The following CCDC126 variants were observed in gnomAD, a reference collection of about 807,000 sequenced individuals.
The protein encoded by CCDC126 is coiled-coil domain containing 126.
In CCDC126, 5 loss-of-function variants were observed where a neutral mutation model predicts 11.7. The ratio of observed to expected loss-of-function variants is 0.43; its 90% CI spans 0.22 to 0.90. CCDC126 has a LOEUF of 0.90. Ranked by LOEUF, CCDC126 falls within the 40% of genes least tolerant of loss-of-function variation. The pLI is 0.27. For missense variants in CCDC126, 150 were observed against 163.1 expected, an observed-to-expected ratio of 0.92 and a Z score of 0.44; for synonymous variants, 60 against 61.9, an observed-to-expected ratio of 0.97 and a Z score of 0.14.
chr7:23,598,560 T>C (rs1387587526), intron 2 of CCDC126: 1 of 152,224 alleles, frequency 6.6e-6, no homozygotes, highest in Non-Finnish European at 1.5e-5. Context: ...GGTGTGTCCT[T>C]TGGGAATCCT....
intron 3 of CCDC126, among the ~76,000 whole-genome samples, chr7:23,640,814 G>C (rs374831474): frequency 1.3e-5 from 2 of 152,204 alleles, no homozygotes; most frequent in East Asian, 3.9e-4. Flanking sequence ...GCATGTATCA[G>C]AATGTCATTC....
At chr7:23,621,494 T>C (rs1782896467) in intron 3 of CCDC126, among the ~76,000 whole-genome samples, 2 of 152,058 alleles carry the variant, frequency 1.3e-5, no homozygotes, top group Admixed American at 1.3e-4. Flanking sequence ...GATGATGGGG[T>C]TTTCTAGATA....
chr7:23,629,102 G>A (rs1284397861), intron 3 of CCDC126, among the ~76,000 whole-genome samples: 2 of 152,180 alleles, frequency 1.3e-5, no homozygotes, highest in Admixed American at 1.3e-4. Context: ...CAAGAACCAG[G>A]AAGGTCTCAG....
intron 3 of CCDC126, chr7:23,622,869 T>G (rs1372826419): frequency 2.6e-6 from 1 of 391,422 alleles, no homozygotes; most frequent in Non-Finnish European, 5.0e-6. Context: ...CAACCAATGT[T>G]CTCTTGTTGC....
At position 23,618,901 on chromosome 7, in the gene CCDC126, G is replaced by T. The variant is rs192975768; in HGVS notation, c.238+7348G>T. On this transcript the variant is annotated intron_variant, in intron 3 of 3. Transcript: ENST00000307471. ...TCAATGTATTTTATTCCTTTGAGAT[G>T]ATCTCTAATATCAGTATATTTAGGT... is the stretch of plus-strand genomic sequence containing the variant. 3.6e-3 allele frequency among the ~76,000 whole-genome samples: 544 copies of T among 152,114 alleles called. 6 individuals are homozygous for T. The highest frequency in any genetic ancestry group is 0.012 in the African/African-American group (511 of 41,482).
intron 2 of CCDC126, among the ~76,000 whole-genome samples, chr7:23,598,776 G>T (rs1351080648): frequency 2.0e-5 from 3 of 152,238 alleles, no homozygotes; most frequent in Admixed American, 2.0e-4. Flanking sequence ...ATTTAGTGCA[G>T]TGTAGGACAG....
Position 23,643,264 on chromosome 7 carries a change from A to G in CCDC126, c.*149A>G. 1 of 662,564 alleles carries G rather than the reference A, an allele frequency of 1.5e-6. No homozygotes were observed. Among genetic ancestry groups the G allele is most frequent in the Non-Finnish European group, 2.4e-6 (1 of 412,028 alleles). 41.0% of individuals were successfully genotyped at this position (662,564 alleles called of 1,614,324 possible). On this transcript the variant is annotated 3_prime_UTR_variant, in exon 4 of 4. Coordinates refer to ENST00000307471, the MANE Select transcript of CCDC126 (RefSeq NM_138771.4). ...GAGTATGCTGGATTCATGGAACTCT[A>G]ATTCTGTACATAAAAATTTTAAAGT... is the stretch of plus-strand genomic sequence containing the variant.
intron 3 of CCDC126, chr7:23,622,968 CT>C (rs1228157804): frequency 0.015 from 1,341 of 92,034 alleles, no homozygotes; most frequent in South Asian, 0.053. Flanking sequence ...TATGCTCACT[CT>C]TTTTTTTTTT....
intron 3 of CCDC126, among the ~76,000 whole-genome samples, chr7:23,625,501 C>A (rs995186434): frequency 6.6e-6 from 1 of 151,834 alleles, no homozygotes; most frequent in African/African-American, 2.4e-5. Flanking sequence ...TAGTTGTTTG[C>A]TTTTGGATTT....
intron 2 of CCDC126, among the ~76,000 whole-genome samples, chr7:23,607,822 G>T (rs991254843): frequency 1.3e-5 from 2 of 152,106 alleles, no homozygotes; most frequent in Admixed American, 1.3e-4. Context: ...CTTCAAGGTC[G>T]TCATGGTGTC....
chr7:23,600,697 T>C (rs1562826751), intron 2 of CCDC126, among the ~76,000 whole-genome samples: 2 of 152,184 alleles, frequency 1.3e-5, no homozygotes, highest in African/African-American at 2.4e-5. Flanking sequence ...GCTATAGTTA[T>C]AATGGCACAA....
At position 23,643,138 on chromosome 7, in the gene CCDC126, G is replaced by C. The variant is rs776847984; in HGVS notation, c.*23G>C. On this transcript the variant is annotated 3_prime_UTR_variant, in exon 4 of 4. Transcript: ENST00000307471. Reference sequence around the variant, plus strand: ...TAGCAGTTGAAAATCACCTTGTGCTGCTCCATCCACTGTGGATTATATCCT... The same window carrying C: ...TAGCAGTTGAAAATCACCTTGTGCTCCTCCATCCACTGTGGATTATATCCT... The C allele has an allele frequency of 6.2e-7, 1 of 1,602,806 alleles. No individual in the cohort carries two copies. Among genetic ancestry groups the C allele is most frequent in the Non-Finnish European group, 8.5e-7 (1 of 1,172,604 alleles).
intron 2 of CCDC126, among the ~76,000 whole-genome samples, chr7:23,600,643 T>G (rs762485933): frequency 3.3e-5 from 5 of 152,202 alleles, no homozygotes; most frequent in Non-Finnish European, 7.3e-5. Flanking sequence ...AGTGAAAGCT[T>G]CTCTGCCTGC....
At chr7:23,606,460 A>G (rs1782625295) in intron 2 of CCDC126, among the ~76,000 whole-genome samples, 2 of 152,132 alleles carry the variant, frequency 1.3e-5, no homozygotes, top group African/African-American at 4.8e-5. Flanking sequence ...TTGGAAGAAT[A>G]TTTGACTGCT....
chr7:23,633,190 C>T (rs1783145568), intron 3 of CCDC126, among the ~76,000 whole-genome samples: 1 of 152,132 alleles, frequency 6.6e-6, no homozygotes. Flanking sequence ...AGGGGTTTCT[C>T]CATGTTGATC....
In CCDC126 at chr7:23,632,976, T is replaced by C. The variant is rs571957264; in HGVS notation, c.239-9955T>C. ...ATGAGAACTTACCTTAGTTCACTCATGTGATCTAAACTGCCTTGCAGTCCT... is the reference window on the plus strand; with the variant it reads ...ATGAGAACTTACCTTAGTTCACTCACGTGATCTAAACTGCCTTGCAGTCCT... On this transcript the variant is annotated intron_variant, in intron 3 of 3. Transcript: ENST00000307471. Among the ~76,000 whole-genome samples the C allele has an allele frequency of 1.2e-3, 176 of 152,336 alleles. 9 individuals carry two copies. The South Asian group carries it at 0.036, about 31-fold the overall frequency.
intron 3 of CCDC126, among the ~76,000 whole-genome samples, chr7:23,625,522 A>G (rs926825415): frequency 4.6e-5 from 7 of 152,062 alleles, no homozygotes; most frequent in Non-Finnish European, 8.8e-5. Flanking sequence ...ATTTGCTTTC[A>G]GGGGAGGTTA....
intron 3 of CCDC126, among the ~76,000 whole-genome samples, chr7:23,639,465 A>G (rs542559885): frequency 9.4e-4 from 143 of 152,330 alleles, no homozygotes; most frequent in Admixed American, 2.7e-3. Context: ...TCGGCCGCCC[A>G]AAGTGCTGGG....
At chr7:23,598,950 T>G (rs1420902784) in intron 2 of CCDC126, among the ~76,000 whole-genome samples, 1 of 152,214 alleles carries the variant, frequency 6.6e-6, no homozygotes, top group Non-Finnish European at 1.5e-5. Context: ...GATAAAGGTT[T>G]TTAGAGGTTT....
Sources: allele counts gnomAD v4.1 joint callset (sites outside exome capture counted in the v4.1 genomes callset), GRCh38; gene constraint gnomAD v4.1.1; transcripts MANE v1.5; gene names NCBI Gene and HGNC (gene_info 2026-07-23, HGNC 2026-07-21).